The following NFIA variants were observed in gnomAD, a reference collection of about 807,000 sequenced individuals.
NFIA encodes nuclear factor I A, also known as nuclear factor 1 A-type.
Under a neutral mutation model 62.8 loss-of-function variants are expected in NFIA, and 8 were observed. That is an observed-to-expected ratio of 0.13 (90% confidence interval 0.07 to 0.23). The LOEUF (loss-of-function observed/expected upper bound fraction) is 0.23. NFIA is among the 10% of genes least tolerant of loss of function. The pLI is 1.00. For synonymous variants in NFIA, 235 were observed against 238.1 expected (o/e 0.99, Z 0.12); for missense variants, 410 against 642.1 (o/e 0.64, Z 3.91).
chr1:61,107,919 C>T (rs1646631819), intron 2 of NFIA, among the ~76,000 whole-genome samples: 2 of 151,288 alleles, frequency 1.3e-5, no homozygotes, highest in South Asian at 4.2e-4. Flanking sequence ...TTCTCTATTC[C>T]CCAAATAATG....
chr1:61,095,195 A>T (rs1169534179), intron 2 of NFIA, among the ~76,000 whole-genome samples: 1 of 152,342 alleles, frequency 6.6e-6, no homozygotes, highest in East Asian at 1.9e-4. Flanking sequence ...ACCTAGATCA[A>T]TTGGGAGTAG....
At chr1:61,374,881 A>C (rs1178582020) in intron 6 of NFIA, among the ~76,000 whole-genome samples, 1 of 152,200 alleles carries the variant, frequency 6.6e-6, no homozygotes, top group Non-Finnish European at 1.5e-5. Context: ...TAAAAGTCAA[A>C]ATAGTCTATT....
At chr1:61,257,326 GTTGTTTTTTTT>G (rs1557665873) in intron 2 of NFIA, among the ~76,000 whole-genome samples, 1 of 115,734 alleles carries the variant, frequency 8.6e-6, no homozygotes, top group East Asian at 3.1e-4. Flanking sequence ...TTTTTACTGC[GTTGTTTTTTTT>G]TTTTTTTTTT....
At chr1:61,170,867 A>G (rs1649915390) in intron 2 of NFIA, among the ~76,000 whole-genome samples, 1 of 152,146 alleles carries the variant, frequency 6.6e-6, no homozygotes, top group African/African-American at 2.4e-5. Context: ...CTAAAGAAGC[A>G]GACTTTGTTG....
chr1:61,221,726 A>G (rs1361626026), intron 2 of NFIA, among the ~76,000 whole-genome samples: 2 of 152,160 alleles, frequency 1.3e-5, no homozygotes, highest in African/African-American at 2.4e-5. Context: ...TCTTTTCTCA[A>G]TAAATAAGAG....
At chr1:61,454,756 C>T (rs1265029224) in intron 10 of NFIA, among the ~76,000 whole-genome samples, 2 of 152,150 alleles carry the variant, frequency 1.3e-5, no homozygotes. Flanking sequence ...ATTCTTGTGT[C>T]GCTATTGACC....
chr1:61,342,313 T>TA (rs1463598671), intron 4 of NFIA, among the ~76,000 whole-genome samples: 1 of 152,158 alleles, frequency 6.6e-6, no homozygotes, highest in Non-Finnish European at 1.5e-5. Flanking sequence ...TTGTGGGGCT[T>TA]ATGTTTAGCT....
intron 3 of NFIA, among the ~76,000 whole-genome samples, chr1:61,319,401 T>C (rs1465873097): frequency 6.6e-6 from 1 of 152,184 alleles, no homozygotes; most frequent in Non-Finnish European, 1.5e-5. Flanking sequence ...GTTTCATTTC[T>C]GTGTTCATTC....
intron 10 of NFIA, among the ~76,000 whole-genome samples, chr1:61,430,205 T>A (rs1383915016): frequency 6.6e-6 from 1 of 152,188 alleles, no homozygotes; most frequent in African/African-American, 2.4e-5. Flanking sequence ...TCAGAGTAAT[T>A]GTGTGCTGAC....
At chr1:61,259,767 C>T (rs1292581429) in intron 2 of NFIA, among the ~76,000 whole-genome samples, 2 of 152,140 alleles carry the variant, frequency 1.3e-5, no homozygotes, top group Admixed American at 6.5e-5. Context: ...ATTTTTGGGA[C>T]AGTTTAACCG....
intron 2 of NFIA, chr1:61,251,211 A>G (rs1002470179): frequency 3.3e-5 from 5 of 152,230 alleles, no homozygotes; most frequent in Non-Finnish European, 5.9e-5. Context: ...GCCTACATAC[A>G]CATGCATCCG....
chr1:61,306,532 C>T (rs568128928), intron 3 of NFIA, among the ~76,000 whole-genome samples: 1 of 152,196 alleles, frequency 6.6e-6, no homozygotes, highest in African/African-American at 2.4e-5. Flanking sequence ...ACCTTGGCCT[C>T]CCAAAGTGCT....
At chr1:61,152,988 G>A (rs1330255256) in intron 2 of NFIA, among the ~76,000 whole-genome samples, 2 of 152,198 alleles carry the variant, frequency 1.3e-5, no homozygotes, top group Non-Finnish European at 2.9e-5. Context: ...GCCCCAGGGT[G>A]AGAGTCAGGA....
At chr1:61,108,618 C>G (rs937412326) in intron 2 of NFIA, among the ~76,000 whole-genome samples, 1 of 151,594 alleles carries the variant, frequency 6.6e-6, no homozygotes, top group African/African-American at 2.4e-5. Flanking sequence ...TTAAATTAAC[C>G]TGTGATAGTG....
chr1:61,081,695 C>A, upstream of NFIA: 1 of 580,466 alleles, frequency 1.7e-6, no homozygotes, highest in Non-Finnish European at 3.0e-6. Context: ...CTTCTTTTCT[C>A]CAGACCCCCG....
chr1:61,099,991 T>C (rs1646480470), intron 2 of NFIA, among the ~76,000 whole-genome samples: 1 of 152,196 alleles, frequency 6.6e-6, no homozygotes, highest in Admixed American at 6.5e-5. Context: ...TGTTTTTATC[T>C]CTAAGATGAT....
At chr1:61,167,838 A>AT (rs1649688702) in intron 2 of NFIA, among the ~76,000 whole-genome samples, 1 of 152,072 alleles carries the variant, frequency 6.6e-6, no homozygotes, top group Non-Finnish European at 1.5e-5. Context: ...TTTACAGCTT[A>AT]TTTTTATCTC....
chr1:61,326,246 G>T (rs933502042), intron 3 of NFIA, among the ~76,000 whole-genome samples: 4 of 152,058 alleles, frequency 2.6e-5, no homozygotes, highest in Non-Finnish European at 5.9e-5. Flanking sequence ...AACCATAAAG[G>T]GAACAATAAG....
At chr1:61,226,700 T>C (rs766541588) in intron 2 of NFIA, among the ~76,000 whole-genome samples, 4 of 152,168 alleles carry the variant, frequency 2.6e-5, no homozygotes, top group Non-Finnish European at 2.9e-5. Flanking sequence ...CAGACAGATA[T>C]TATTAAAAAA....
Sources: gnomAD v4.1 joint callset for allele counts (sites outside exome capture counted in the v4.1 genomes callset) on GRCh38, gnomAD v4.1.1 for gene constraint, MANE v1.5 for transcripts, NCBI Gene and HGNC (gene_info 2026-07-23, HGNC 2026-07-21) for gene names.